The following CDH12 variants were observed in gnomAD, a reference collection of about 807,000 sequenced individuals.
CDH12 encodes the protein cadherin-12.
CDH12 carries 41 observed loss-of-function variants against 74.1 expected under a neutral mutation model. The observed-to-expected ratio is 0.55, with a 90% CI of 0.43 to 0.72. The LOEUF is 0.72. Ranked by LOEUF, CDH12 falls within the 30% of genes least tolerant of loss-of-function variation. CDH12 has a pLI of 0.00. For synonymous variants in CDH12, 399 were observed against 355.0 expected (o/e 1.12, Z -1.39); for missense variants, 945 against 977.2 (o/e 0.97, Z 0.44).
rs552950024 is a variant in CDH12, at chr5:21,895,971, C to A, written c.527-41181G>T. 2.6e-5 allele frequency among the ~76,000 whole-genome samples: 4 copies of A among 152,262 alleles called. No individual in the cohort carries two copies. In the East Asian group the frequency reaches 5.8e-4, roughly 22 times the overall value. ...CCCAAGCACCAGGATAACAATGGAC[C>A]AGGCAGAACAATTCCCTTCCCTTGG... On this transcript the variant is annotated intron_variant, in intron 6 of 14. Transcript: ENST00000382254.
At chr5:22,218,664 G>GTCAAACCCATCTAATT (rs1751907245) in intron 3 of CDH12, among the ~76,000 whole-genome samples, 1 of 151,578 alleles carries the variant, frequency 6.6e-6, no homozygotes, top group African/African-American at 2.4e-5. Flanking sequence ...GGCTTCACAG[G>GTCAAACCCATCTAATT]TGTATATATG....
At chr5:22,617,139 G>C (rs1006915538) in intron 1 of CDH12, among the ~76,000 whole-genome samples, 1 of 151,940 alleles carries the variant, frequency 6.6e-6, no homozygotes, top group Non-Finnish European at 1.5e-5. Context: ...CTCCTAAAGT[G>C]CTGGGATTAA....
chr5:22,423,204 A>AG (rs1194387384), intron 2 of CDH12, among the ~76,000 whole-genome samples: 1 of 120,616 alleles, frequency 8.3e-6, no homozygotes, highest in Non-Finnish European at 1.8e-5. Context: ...ATGTAAACAC[A>AG]GTAAAAAAAA....
chr5:21,847,610 AC>A (rs1490213888), intron 7 of CDH12, among the ~76,000 whole-genome samples: 2 of 152,080 alleles, frequency 1.3e-5, no homozygotes, highest in Non-Finnish European at 2.9e-5. Flanking sequence ...TCTTCTGCAT[AC>A]AAGAACCCTT....
chr5:22,662,380 T>C (rs1304038177), intron 1 of CDH12, among the ~76,000 whole-genome samples: 1 of 151,958 alleles, frequency 6.6e-6, no homozygotes, highest in Admixed American at 6.6e-5. Flanking sequence ...CAACTTCATA[T>C]GAAAGAATCA....
intron 5 of CDH12, among the ~76,000 whole-genome samples, chr5:22,012,701 A>G (rs945125420): frequency 6.7e-6 from 1 of 149,666 alleles, no homozygotes; most frequent in Non-Finnish European, 1.5e-5. Context: ...TGGAGCCTGA[A>G]AACCTTGATT....
chr5:22,107,278 C>T (rs1360876666), intron 4 of CDH12, among the ~76,000 whole-genome samples: 1 of 150,448 alleles, frequency 6.6e-6, no homozygotes, highest in Non-Finnish European at 1.5e-5. Context: ...ATTATAGGCG[C>T]CCACCACCAT....
intron 1 of CDH12, among the ~76,000 whole-genome samples, chr5:22,806,545 G>A (rs991153547): frequency 5.4e-4 from 82 of 151,888 alleles, no homozygotes; most frequent in African/African-American, 1.6e-3. Context: ...TAGTAGAGAC[G>A]GGGTTTCACC....
chr5:22,079,243 C>T lies in CDH12; in HGVS notation c.-186-381G>A, dbSNP rs1742547650. ...TTGATAATTCATTATTGCTGGGAAGCTATTTTGTGCATTTTAAGATTTCTA... is the reference window on the plus strand; with the variant it reads ...TTGATAATTCATTATTGCTGGGAAGTTATTTTGTGCATTTTAAGATTTCTA... On this transcript the variant is annotated intron_variant, in intron 4 of 14. Coordinates refer to ENST00000382254, the MANE Select transcript of CDH12 (RefSeq NM_004061.5). Among the ~76,000 whole-genome samples the T allele has an allele frequency of 2.6e-5, 4 of 152,130 alleles. No homozygotes were observed. In the South Asian group the frequency reaches 6.2e-4, roughly 24 times the overall value.
At chr5:22,532,724 A>C (rs1737649587) in intron 1 of CDH12, among the ~76,000 whole-genome samples, 1 of 151,968 alleles carries the variant, frequency 6.6e-6, no homozygotes, top group Non-Finnish European at 1.5e-5. Context: ...GGCATGGCGA[A>C]AACCTGAAAC....
At chr5:21,978,195 G>A (rs949807440) in intron 5 of CDH12, among the ~76,000 whole-genome samples, 1 of 152,144 alleles carries the variant, frequency 6.6e-6, no homozygotes, top group Non-Finnish European at 1.5e-5. Context: ...AGGCTGGAGT[G>A]CAGTGGCGTG....
chr5:22,435,796 G>A (rs1744362395), intron 2 of CDH12, among the ~76,000 whole-genome samples: 1 of 151,802 alleles, frequency 6.6e-6, no homozygotes, highest in African/African-American at 2.4e-5. Flanking sequence ...GGATCACCTG[G>A]CACCTCCCAG....
intron 10 of CDH12, among the ~76,000 whole-genome samples, chr5:21,791,404 A>G (rs1009866558): frequency 2.6e-5 from 4 of 152,050 alleles, no homozygotes; most frequent in Non-Finnish European, 4.4e-5. Context: ...AGAGTGAAAC[A>G]TCGTGTTTCT....
intron 4 of CDH12, among the ~76,000 whole-genome samples, chr5:22,207,908 C>T (rs1055016855): frequency 5.3e-5 from 8 of 152,110 alleles, no homozygotes; most frequent in Non-Finnish European, 1.0e-4. Context: ...ATAAGGTTCC[C>T]TATTTATAAT....
chr5:22,004,141 C>T (rs1420286688), intron 5 of CDH12, among the ~76,000 whole-genome samples: 1 of 152,192 alleles, frequency 6.6e-6, no homozygotes, highest in Non-Finnish European at 1.5e-5. Context: ...CAGTCCATTT[C>T]TCTTCCGTTC....
rs1424031028 is a variant in CDH12, at chr5:21,802,365, A to G, written c.1058T>C (p.Leu353Pro). 3 of 1,613,734 alleles carry G rather than the reference A, an allele frequency of 1.9e-6. No individual in the cohort carries two copies. In the South Asian group the frequency reaches 3.3e-5, roughly 18 times the overall value. The change falls in exon 10 of 15, where the codon CTT becomes CCT. Residue 353 changes from leucine (L) to proline (P), a missense_variant. Physicochemically the swap from Leu to Pro is moderately conservative, Grantham distance 98 (BLOSUM62 -3). Coordinates refer to ENST00000382254, the MANE Select transcript of CDH12 (RefSeq NM_004061.5). ...CGAGTGAAACCGGTGGTCAAGGTGA[A>G]GGTTGGAAGCCTCAACTTTGAAAGT... ...AYTFKVEASN[L>P]HLDHRFHSAG...
intron 1 of CDH12, among the ~76,000 whole-genome samples, chr5:22,759,163 A>G (rs528689591): frequency 9.9e-5 from 15 of 152,118 alleles, no homozygotes; most frequent in Non-Finnish European, 1.6e-4. Flanking sequence ...GTGATTCAGG[A>G]TATATTTCAC....
chr5:22,237,118 CAGTT>C lies in CDH12; in HGVS notation c.-332-24479_-332-24476del, dbSNP rs372791582. On this transcript the variant is annotated intron_variant, in intron 3 of 14. Transcript: ENST00000382254. ...CAACACTTTTATAGGACTGGCATCACAGTTAGTTTGTTTACACCAGCAGCACCGC... is the reference window on the plus strand; with the variant it reads ...CAACACTTTTATAGGACTGGCATCACAGTTTGTTTACACCAGCAGCACCGC... Among the ~76,000 whole-genome samples, 42 of 152,176 alleles carry C rather than the reference CAGTT, an allele frequency of 2.8e-4. No individual in the cohort carries two copies. In the East Asian group the frequency reaches 5.4e-3, roughly 20 times the overall value.
chr5:22,378,345 A>G (rs1284744169), intron 3 of CDH12, among the ~76,000 whole-genome samples: 1 of 152,082 alleles, frequency 6.6e-6, no homozygotes, highest in Non-Finnish European at 1.5e-5. Context: ...AAACTATTTC[A>G]TTGTAAATAT....
Sources: allele counts gnomAD v4.1 joint callset (sites outside exome capture counted in the v4.1 genomes callset), GRCh38; gene constraint gnomAD v4.1.1; transcripts MANE v1.5; gene names NCBI Gene and HGNC (gene_info 2026-07-23, HGNC 2026-07-21).